The following RGS3 variants were observed in gnomAD, a reference collection of about 807,000 sequenced individuals.
RGS3 encodes regulator of G-protein signalling 3.
Under a neutral mutation model 132.6 loss-of-function variants are expected in RGS3, and 80 were observed. That is an observed-to-expected ratio of 0.60 (90% CI 0.50 to 0.73). The LOEUF (loss-of-function observed/expected upper bound fraction) is 0.73. RGS3 is among the 30% of genes least tolerant of loss of function. RGS3 has a pLI of 0.00. For missense variants in RGS3, 1,382 were observed against 1,530.8 expected, an observed-to-expected ratio of 0.90 and a Z score of 1.62; for synonymous variants, 598 against 620.6, an observed-to-expected ratio of 0.96 and a Z score of 0.54.
intron 19 of RGS3, among the ~76,000 whole-genome samples, chr9:113,554,756 T>C (rs529098244): frequency 6.6e-6 from 1 of 152,340 alleles, no homozygotes; most frequent in South Asian, 2.1e-4. Context: ...ATATGGGTTA[T>C]AATTATTTTT....
rs1829092542 is a variant in RGS3 at position 113,446,034 on chromosome 9, T to A, written c.-13+1107T>A. ...TTGGTGGGAGGGAGTGAGGGTTTCA[T>A]CCATGACACAGTGACACTTAAAAAA... On this transcript the variant is annotated intron_variant, in intron 1 of 25. Coordinates refer to the RGS3 transcript ENST00000374140. Among the ~76,000 whole-genome samples the A allele has an allele frequency of 2.0e-5, 3 of 152,144 alleles. No homozygotes were observed. In the South Asian group the frequency reaches 6.2e-4, roughly 32 times the overall value.
At chr9:113,583,478 G>C in exon 20 of RGS3, 3 of 1,614,210 alleles carry the variant, frequency 1.9e-6, no homozygotes, top group Non-Finnish European at 2.5e-6. Context: ...GATGAGAAGA[G>C]GGAGATGGCC....
At chr9:113,549,368 T>C (rs901271650) in intron 19 of RGS3, among the ~76,000 whole-genome samples, 2 of 152,222 alleles carry the variant, frequency 1.3e-5, no homozygotes, top group African/African-American at 4.8e-5. Flanking sequence ...GCAGTGAACA[T>C]GTATCTGACT....
intron 7 of RGS3, among the ~76,000 whole-genome samples, chr9:113,486,797 C>G (rs1026967657): frequency 6.6e-6 from 1 of 152,136 alleles, no homozygotes; most frequent in African/African-American, 2.4e-5. Context: ...TTTTTAAAAT[C>G]GGGGTGTATT....
At chr9:113,522,962 C>G (rs1340147361) in exon 17 of RGS3, 1 of 1,613,972 alleles carries the variant, frequency 6.2e-7, no homozygotes, top group East Asian at 2.2e-5. Flanking sequence ...ACCTGCTGCT[C>G]TTCACCAAGG....
intron 20 of RGS3, among the ~76,000 whole-genome samples, chr9:113,586,177 G>A (rs1234674938): frequency 1.3e-5 from 2 of 152,132 alleles, no homozygotes. Context: ...AGTCCGGAAC[G>A]CTGTCCTTCC....
At chr9:113,455,897 G>T (rs1829353424), upstream of RGS3, among the ~76,000 whole-genome samples, 1 of 152,136 alleles carries the variant, frequency 6.6e-6, no homozygotes, top group Non-Finnish European at 1.5e-5. Flanking sequence ...AATATCGTCT[G>T]GCTTTGAGTC....
chr9:113,457,464 A>G (rs1829389164), upstream of RGS3, among the ~76,000 whole-genome samples: 1 of 152,230 alleles, frequency 6.6e-6, no homozygotes, highest in African/African-American at 2.4e-5. Context: ...TTTCACTGCT[A>G]TATGTATCCC....
In RGS3 at chr9:113,507,024, A is replaced by G. The variant is rs747292905; in HGVS notation, c.1086-263A>G. 2.2e-4 allele frequency among the ~76,000 whole-genome samples: 34 copies of G among 152,162 alleles called. No homozygotes were observed. Among genetic ancestry groups the G allele is most frequent in the Non-Finnish European group, 2.5e-4 (17 of 68,034 alleles). On this transcript the variant is annotated intron_variant, in intron 12 of 24. Transcript: ENST00000350696. The surrounding 1 kb of genome is among the most constrained non-coding windows in gnomAD (Gnocchi z 5.0). ...TTTTGATAAGCATCATGGATTGAGT[A>G]TGGAACTCTTTCCTGTTGAAACTGG... is the stretch of plus-strand genomic sequence containing the variant.
chr9:113,517,702 C>G (rs563057004), intron 16 of RGS3, 78 bp downstream of exon 14: 1 of 1,110,594 alleles, frequency 9.0e-7, no homozygotes, highest in East Asian at 2.3e-5. Flanking sequence ...TCACTTTGGT[C>G]TCTTCCTGAG....
At chr9:113,496,712 G>C (rs1328357911) in intron 8 of RGS3, among the ~76,000 whole-genome samples, 3 of 152,042 alleles carry the variant, frequency 2.0e-5, no homozygotes, top group African/African-American at 7.2e-5. Flanking sequence ...CACCACGCCT[G>C]GCTAATTTTT....
intron 19 of RGS3, among the ~76,000 whole-genome samples, chr9:113,543,934 C>G (rs1833002782): frequency 6.6e-6 from 1 of 152,190 alleles, no homozygotes; most frequent in African/African-American, 2.4e-5. Context: ...CCTCTCAAAT[C>G]GATCGAACAA....
intron 10 of RGS3, among the ~76,000 whole-genome samples, chr9:113,502,336 C>T (rs7028327): frequency 0.12 from 18,027 of 152,196 alleles, 1,274 homozygotes; most frequent in African/African-American, 0.19. Flanking sequence ...CTGAAATTGT[C>T]CTGATTTTAA....
intron 19 of RGS3, among the ~76,000 whole-genome samples, chr9:113,559,131 G>A (rs1452038237): frequency 6.6e-6 from 1 of 152,274 alleles, no homozygotes; most frequent in East Asian, 1.9e-4. Flanking sequence ...GGGAGTGTGT[G>A]GAGAACTGTT....
chr9:113,539,683 T>A (rs1564544578), intron 19 of RGS3, among the ~76,000 whole-genome samples: 1 of 152,224 alleles, frequency 6.6e-6, no homozygotes, highest in Non-Finnish European at 1.5e-5. Flanking sequence ...AGGGGGTTTG[T>A]AAGGCAACTC....
chr9:113,490,032 A>C (rs960236336), intron 7 of RGS3, among the ~76,000 whole-genome samples: 1 of 152,210 alleles, frequency 6.6e-6, no homozygotes, highest in African/African-American at 2.4e-5. Flanking sequence ...TGGTGATCAC[A>C]GTGGGAACTG....
chr9:113,460,183 AT>A (rs1564444125), upstream of RGS3: 4 of 1,196,542 alleles, frequency 3.3e-6, no homozygotes, highest in East Asian at 8.3e-5. Context: ...GTTGAAGTTT[AT>A]TTTTTTGAGG....
chr9:113,565,808 C>G lies in RGS3; in HGVS notation c.2038-17642C>G, dbSNP rs774030092. ...CCCTGTGCCCCTGTTTCTATTGTTTCTTCCCCAGGGCAGCCATTGATAGGC... is the reference window on the plus strand; with the variant it reads ...CCCTGTGCCCCTGTTTCTATTGTTTGTTCCCCAGGGCAGCCATTGATAGGC... On this transcript the variant is annotated intron_variant, in intron 19 of 24. Transcript: ENST00000350696. The surrounding 1 kb of genome is among the most constrained non-coding windows in gnomAD (Gnocchi z 5.7). 5.1e-6 allele frequency: 1 copy of G among 194,460 alleles called. No individual in the cohort carries two copies. The highest frequency in any genetic ancestry group is 1.1e-5 in the Non-Finnish European group (1 of 93,448). 12.0% of individuals were successfully genotyped at this position (194,460 alleles called of 1,614,324 possible). A position where few individuals can be genotyped will look rare whatever the true frequency, so the allele number is the denominator to read the frequency against.
At chr9:113,577,921 C>A (rs1445546239) in intron 19 of RGS3, among the ~76,000 whole-genome samples, 1 of 152,230 alleles carries the variant, frequency 6.6e-6, no homozygotes, top group Non-Finnish European at 1.5e-5. Context: ...TCCACAAGGA[C>A]AAGGATCATG....
Sources: allele counts gnomAD v4.1 joint callset (sites outside exome capture counted in the v4.1 genomes callset), GRCh38; gene constraint gnomAD v4.1.1; non-coding constraint Gnocchi (gnomAD v3.1); transcripts MANE v1.5; gene names NCBI Gene and HGNC (gene_info 2026-07-23, HGNC 2026-07-21).